The following LDLRAD1 variants were observed in gnomAD, a reference collection of about 807,000 sequenced individuals.
LDLRAD1 encodes the protein low-density lipoprotein receptor class A domain-containing protein 1.
Under a neutral mutation model 24.8 loss-of-function variants are expected in LDLRAD1, and 17 were observed. The ratio of observed to expected loss-of-function variants is 0.69; its 90% confidence interval spans 0.47 to 1.03. LDLRAD1 has a LOEUF of 1.03. Ranked by LOEUF, LDLRAD1 falls within the 50% of genes least tolerant of loss-of-function variation. LDLRAD1 has a pLI of 0.00. For missense variants in LDLRAD1, 277 were observed against 271.0 expected (o/e 1.02, Z -0.16); for synonymous variants, 103 against 108.2 (o/e 0.95, Z 0.30).
intron 5 of LDLRAD1, 107 bp downstream of exon 5, chr1:54,010,175 T>C: frequency 7.6e-7 from 1 of 1,310,762 alleles, no homozygotes; most frequent in Non-Finnish European, 1.1e-6. Flanking sequence ...CTTCCTAGGA[T>C]GCAGGGAAGC....
intron 2 of LDLRAD1, 74 bp downstream of exon 2, chr1:54,017,302 C>T: frequency 7.9e-7 from 1 of 1,268,086 alleles, no homozygotes; most frequent in Non-Finnish European, 1.1e-6. Flanking sequence ...GAACCCTCCT[C>T]ATGTCTCTAT....
At chr1:54,010,474 GGGA>G in intron 4 of LDLRAD1, 64 bp from the exon 5 acceptor site, 1 of 1,579,776 alleles carries the variant, frequency 6.3e-7, no homozygotes, top group Non-Finnish European at 8.6e-7. Flanking sequence ...GAGGGTTATC[GGGA>G]GGAGGATTGA....
At chr1:54,015,769 C>T (rs1205110246) in intron 2 of LDLRAD1, among the ~76,000 whole-genome samples, 2 of 151,934 alleles carry the variant, frequency 1.3e-5, no homozygotes, top group African/African-American at 2.4e-5. Context: ...GATTCTCCTG[C>T]CTCAGCCTCC....
intron 3 of LDLRAD1, among the ~76,000 whole-genome samples, chr1:54,013,369 G>A (rs1329735353): frequency 1.6e-5 from 2 of 124,154 alleles, no homozygotes; most frequent in Non-Finnish European, 3.4e-5. Flanking sequence ...CTCAGCCCCC[G>A]CCCCCACCTC....
intron 5 of LDLRAD1, 147 bp from the exon 6 acceptor site, chr1:54,009,277 C>A: frequency 2.8e-6 from 2 of 703,372 alleles, no homozygotes; most frequent in South Asian, 1.8e-5. Flanking sequence ...AGTTTTCCTG[C>A]GGCAGAGAGA....
intron 5 of LDLRAD1, 22 bp downstream of exon 5, chr1:54,010,260 C>T: frequency 6.2e-7 from 1 of 1,613,326 alleles, no homozygotes. Context: ...AGCCCCAGCC[C>T]AGCCTGTGCC....
In LDLRAD1 at chr1:54,014,216, C is replaced by G; in HGVS notation, c.202+20G>C. On this transcript the variant is annotated intron_variant, in intron 3 of 5. Transcript: ENST00000371360. ...GCCCTCCCCGCCGGGTCTGACCCAC[C>G]CTCTCTTGGCCGCCCTGACCTGGGG... 2 of 1,571,636 alleles carry G rather than the reference C, an allele frequency of 1.3e-6. No individual in the cohort carries two copies. Among genetic ancestry groups the G allele is most frequent in the Non-Finnish European group, 1.7e-6 (2 of 1,158,220 alleles).
At chr1:54,012,419 C>G (rs1196758270) in intron 3 of LDLRAD1, 139 bp from the exon 4 acceptor site, 10 of 883,264 alleles carry the variant, frequency 1.1e-5, no homozygotes, top group Non-Finnish European at 1.8e-5. Flanking sequence ...CAATGGGGTT[C>G]AAGCCCCAGC....
chr1:54,017,651 T>C (rs1269924886), intron 1 of LDLRAD1, among the ~76,000 whole-genome samples: 1 of 152,124 alleles, frequency 6.6e-6, no homozygotes, highest in Non-Finnish European at 1.5e-5. Flanking sequence ...TTCTCTGCTG[T>C]CCACCTGATA....
chr1:54,016,278 T>A (rs907497076), intron 2 of LDLRAD1, among the ~76,000 whole-genome samples: 5 of 152,052 alleles, frequency 3.3e-5, no homozygotes, highest in Non-Finnish European at 7.4e-5. Flanking sequence ...AAACCTGTCA[T>A]CCCTACAGCC....
At chr1:54,011,762 T>C (rs1569888885) in intron 4 of LDLRAD1, among the ~76,000 whole-genome samples, 1 of 152,142 alleles carries the variant, frequency 6.6e-6, no homozygotes, top group Non-Finnish European at 1.5e-5. Flanking sequence ...GGGTGGCAGA[T>C]GTGCCAATCA....
chr1:54,010,759 C>A (rs1162771910), intron 4 of LDLRAD1, among the ~76,000 whole-genome samples: 1 of 152,222 alleles, frequency 6.6e-6, no homozygotes, highest in African/African-American at 2.4e-5. Flanking sequence ...CAAGTTCCAT[C>A]ACCTCCAGGA....
intron 2 of LDLRAD1, among the ~76,000 whole-genome samples, chr1:54,016,688 G>C (rs1656323302): frequency 1.3e-5 from 2 of 152,170 alleles, no homozygotes; most frequent in African/African-American, 4.8e-5. Flanking sequence ...CCTCCCTGCT[G>C]TGTGACCTTG....
intron 4 of LDLRAD1, 76 bp downstream of exon 4, chr1:54,012,067 T>G (rs1405888393): frequency 1.5e-5 from 24 of 1,555,658 alleles, no homozygotes; most frequent in Non-Finnish European, 2.1e-5. Flanking sequence ...AGGTGCCTGA[T>G]GTGTTCAGTA....
At chr1:54,010,529 G>A in intron 4 of LDLRAD1, 119 bp from the exon 5 acceptor site, 1 of 960,374 alleles carries the variant, frequency 1.0e-6, no homozygotes, top group Non-Finnish European at 1.6e-6. Flanking sequence ...TGCCCATCCA[G>A]CCCAGAAGGG....
chr1:54,015,800 C>T (rs1038074735), intron 2 of LDLRAD1, among the ~76,000 whole-genome samples: 28 of 151,928 alleles, frequency 1.8e-4, no homozygotes, highest in Non-Finnish European at 3.8e-4. Flanking sequence ...GGATGACAGG[C>T]GCCCGCCACC....
intron 5 of LDLRAD1, 90 bp downstream of exon 5, chr1:54,010,192 G>A: frequency 6.8e-7 from 1 of 1,469,744 alleles, no homozygotes; most frequent in Non-Finnish European, 9.3e-7. Flanking sequence ...AAGCATGCAA[G>A]GGGGAGCCCT....
In LDLRAD1 at chr1:54,008,898, C is replaced by A; in HGVS notation, c.*84G>T. 89 of 1,118,868 alleles carry A rather than the reference C, an allele frequency of 8.0e-5. No individual in the cohort carries two copies. Among genetic ancestry groups the A allele is most frequent in the South Asian group, 5.5e-4 (22 of 39,920 alleles). 69.3% of individuals were successfully genotyped at this position (1,118,868 alleles called of 1,614,324 possible). On this transcript the variant is annotated 3_prime_UTR_variant, in exon 6 of 6. Transcript: ENST00000371360. Reference sequence around the variant, plus strand: ...TCCCATTTCAAAGGCTGCTTCCTGCCCTTGTGCGCTAGGATTTGATTTTCA... The same window carrying A: ...TCCCATTTCAAAGGCTGCTTCCTGCACTTGTGCGCTAGGATTTGATTTTCA...
At chr1:54,011,555 G>GCT (rs983918816) in intron 4 of LDLRAD1, among the ~76,000 whole-genome samples, 1 of 152,020 alleles carries the variant, frequency 6.6e-6, no homozygotes, top group Non-Finnish European at 1.5e-5. Flanking sequence ...ACCTCTCCAG[G>GCT]CTCTCTCTCT....
Sources: allele counts gnomAD v4.1 joint callset (sites outside exome capture counted in the v4.1 genomes callset), GRCh38; gene constraint gnomAD v4.1.1; transcripts MANE v1.5; gene names NCBI Gene and HGNC (gene_info 2026-07-23, HGNC 2026-07-21).